The following SUSD6 variants were observed in gnomAD, a reference collection of about 807,000 sequenced individuals.
The protein encoded by SUSD6 is sushi domain containing 6.
SUSD6 carries 16 observed loss-of-function variants against 28.4 expected under a neutral mutation model. That is an observed-to-expected ratio of 0.56 (90% CI 0.38 to 0.86). The LOEUF (loss-of-function observed/expected upper bound fraction) is 0.86. Among genes scored for constraint, SUSD6 ranks in the 40% least tolerant of loss-of-function variants. SUSD6 has a pLI of 0.00. For synonymous variants in SUSD6, 147 were observed against 159.6 expected (o/e 0.92, Z 0.59); for missense variants, 341 against 384.2 (o/e 0.89, Z 0.94).
intron 1 of SUSD6, among the ~76,000 whole-genome samples, chr14:69,641,620 C>T (rs756869217): frequency 3.3e-5 from 5 of 152,120 alleles, no homozygotes; most frequent in African/African-American, 4.8e-5. Flanking sequence ...GACAGGGTCT[C>T]GCTCTGCCAC....
intron 2 of SUSD6, among the ~76,000 whole-genome samples, chr14:69,684,722 C>T (rs1335517448): frequency 2.0e-5 from 3 of 152,236 alleles, no homozygotes; most frequent in Non-Finnish European, 4.4e-5. Context: ...AGCATGTTGC[C>T]AGGCCAGGGG....
At chr14:69,630,738 T>C (rs2139596841) in intron 1 of SUSD6, among the ~76,000 whole-genome samples, 1 of 152,318 alleles carries the variant, frequency 6.6e-6, no homozygotes, top group South Asian at 2.1e-4. Context: ...TTATTAAGAA[T>C]ATATTAATTT....
At chr14:69,687,997 C>G (rs1247048961) in intron 2 of SUSD6, among the ~76,000 whole-genome samples, 1 of 151,924 alleles carries the variant, frequency 6.6e-6, no homozygotes, top group Admixed American at 6.6e-5. Flanking sequence ...TTATACTCTT[C>G]TGTGTACACA....
rs1354029584 is a variant in SUSD6, at chr14:69,711,099, G to GT, written c.*121dup. On this transcript the variant is annotated 3_prime_UTR_variant, in exon 6 of 6. Coordinates refer to ENST00000342745, the MANE Select transcript of SUSD6 (RefSeq NM_014734.4). ...CCTGGATACCTGAGCTGCCACCTGT[G>GT]TATCTGTGTATCTCTGAGGGCCCTA... 126 of 968,346 alleles carry GT rather than the reference G, an allele frequency of 1.3e-4. No individual in the cohort carries two copies. The highest frequency in any genetic ancestry group is 1.4e-4 in the Non-Finnish European group (83 of 604,426). 60.0% of individuals were successfully genotyped at this position (968,346 alleles called of 1,614,324 possible). A position where few individuals can be genotyped will look rare whatever the true frequency, so the allele number is the denominator to read the frequency against.
At chr14:69,682,726 G>C (rs1232292999) in intron 2 of SUSD6, among the ~76,000 whole-genome samples, 1 of 152,110 alleles carries the variant, frequency 6.6e-6, no homozygotes, top group Non-Finnish European at 1.5e-5. Flanking sequence ...TGGGAGGGTG[G>C]AGTCCCAGTG....
At chr14:69,705,130 A>C (rs1002705185) in intron 4 of SUSD6, among the ~76,000 whole-genome samples, 1 of 151,998 alleles carries the variant, frequency 6.6e-6, no homozygotes, top group Non-Finnish European at 1.5e-5. Context: ...AGCTTGACCA[A>C]CATGGTGAAA....
chr14:69,615,282 C>A (rs992473015), intron 1 of SUSD6, among the ~76,000 whole-genome samples: 1 of 152,160 alleles, frequency 6.6e-6, no homozygotes, highest in Admixed American at 6.6e-5. Flanking sequence ...ACTGTCCTTG[C>A]GCGTCAAGAT....
chr14:69,630,400 G>T (rs1350571302), intron 1 of SUSD6, among the ~76,000 whole-genome samples: 4 of 152,202 alleles, frequency 2.6e-5, no homozygotes, highest in African/African-American at 9.6e-5. Flanking sequence ...TGGTGCCTCA[G>T]AAAGCATCAG....
At chr14:69,699,158 G>A (rs181235484) in intron 2 of SUSD6, among the ~76,000 whole-genome samples, 1 of 152,294 alleles carries the variant, frequency 6.6e-6, no homozygotes, top group East Asian at 1.9e-4. Flanking sequence ...CCAGGACTCT[G>A]CTCTTGGTCA....
At chr14:69,631,681 A>G (rs1220979906) in intron 1 of SUSD6, among the ~76,000 whole-genome samples, 1 of 152,214 alleles carries the variant, frequency 6.6e-6, no homozygotes, top group Admixed American at 6.5e-5. Context: ...GAGTAGGATT[A>G]TGACCACAAC....
Position 69,709,083 on chromosome 14 carries a change from A to C in SUSD6, c.865A>C (p.Thr289Pro). 1 of 1,601,920 alleles carries C rather than the reference A, an allele frequency of 6.2e-7. No homozygotes were observed. The highest frequency in any genetic ancestry group is 1.3e-5 in the African/African-American group (1 of 74,766). Residue 289 changes from threonine to proline, a missense_variant, in exon 5 of 6, where the codon ACG (threonine) becomes CCG (proline). Thr to Pro is a conservative substitution (Grantham distance 38). Coordinates refer to ENST00000342745, the MANE Select transcript of SUSD6 (RefSeq NM_014734.4). ...NSDIQSLLSLTSEEYTDDIPL... is the reference protein window; with the variant it reads ...NSDIQSLLSLPSEEYTDDIPL... ...TGACATACAAAGCCTTTTATCCCTCACGTCAGAGGAGTACACAGATGGTGA... is the reference window on the plus strand; with the variant it reads ...TGACATACAAAGCCTTTTATCCCTCCCGTCAGAGGAGTACACAGATGGTGA...
At chr14:69,613,205 C>A (rs1884907310) in intron 1 of SUSD6, among the ~76,000 whole-genome samples, 1 of 152,194 alleles carries the variant, frequency 6.6e-6, no homozygotes, top group South Asian at 2.1e-4. Context: ...TTTTTGAACT[C>A]ATTTAATAAC....
rs563935032 is a variant in SUSD6 at position 69,659,110 on chromosome 14, T to C, written c.121+397T>C. Among the ~76,000 whole-genome samples, 3 of 152,344 alleles carry C rather than the reference T, an allele frequency of 2.0e-5. No individual in the cohort carries two copies. In the East Asian group the frequency reaches 5.8e-4, roughly 29 times the overall value. ...TTATTTTACTGCTGCAAGGCTCTGT[T>C]TCCTCAGCTGCAGAATGGGATAATA... On this transcript the variant is annotated intron_variant, in intron 2 of 5. Coordinates refer to ENST00000342745, the MANE Select transcript of SUSD6 (RefSeq NM_014734.4).
chr14:69,689,142 G>T (rs1450008340), intron 2 of SUSD6, among the ~76,000 whole-genome samples: 1 of 152,112 alleles, frequency 6.6e-6, no homozygotes, highest in Non-Finnish European at 1.5e-5. Flanking sequence ...CCGTGAAGTT[G>T]GAGCTCTGAT....
intron 1 of SUSD6, among the ~76,000 whole-genome samples, chr14:69,653,177 A>G (rs1025369393): frequency 2.0e-5 from 3 of 152,190 alleles, no homozygotes; most frequent in African/African-American, 4.8e-5. Context: ...CACATTCAGT[A>G]GGGCAGTCAC....
intron 2 of SUSD6, among the ~76,000 whole-genome samples, chr14:69,667,616 C>T (rs965977544): frequency 2.0e-5 from 3 of 151,908 alleles, no homozygotes; most frequent in South Asian, 4.2e-4. Context: ...ATCTCCTGAC[C>T]TTGTGATCCG....
intron 1 of SUSD6, among the ~76,000 whole-genome samples, chr14:69,619,964 G>C (rs911457578): frequency 1.3e-5 from 2 of 152,184 alleles, no homozygotes; most frequent in African/African-American, 4.8e-5. Context: ...ATCTATAACT[G>C]TATGTCTCTA....
intron 2 of SUSD6, among the ~76,000 whole-genome samples, chr14:69,691,780 C>G (rs948706467): frequency 1.3e-5 from 2 of 152,178 alleles, no homozygotes; most frequent in African/African-American, 4.8e-5. Flanking sequence ...TGGCTCACGC[C>G]TGTAATCCCA....
intron 2 of SUSD6, among the ~76,000 whole-genome samples, chr14:69,667,067 G>A (rs1369639190): frequency 1.3e-5 from 2 of 152,130 alleles, no homozygotes; most frequent in African/African-American, 4.8e-5. Flanking sequence ...CACTGGCTTG[G>A]CTTCTGATGA....
Sources: allele counts gnomAD v4.1 joint callset (sites outside exome capture counted in the v4.1 genomes callset), GRCh38; gene constraint gnomAD v4.1.1; transcripts MANE v1.5; gene names NCBI Gene and HGNC (gene_info 2026-07-23, HGNC 2026-07-21).